CCDC81: variants seen among roughly 807,000 people sequenced by gnomAD.
CCDC81 encodes the protein coiled-coil domain containing 81, also known as coiled-coil domain-containing protein 81.
A neutral mutation model predicts 83.7 loss-of-function variants in CCDC81; 79 were observed. That is an observed-to-expected ratio of 0.94 (90% confidence interval 0.79 to 1.14). CCDC81 has a LOEUF of 1.14. Ranked by LOEUF, CCDC81 falls within the 50% of genes most tolerant of loss-of-function variation. CCDC81 has a pLI of 0.00. For synonymous variants in CCDC81, 252 were observed against 278.1 expected, an observed-to-expected ratio of 0.91 and a Z score of 0.93; for missense variants, 791 against 778.1, an observed-to-expected ratio of 1.02 and a Z score of -0.20.
chr11:86,408,256 C>T lies in CCDC81; in HGVS notation c.1099C>T (p.Leu367Phe). Residue 367 changes from leucine to phenylalanine, a missense_variant, in exon 9 of 15, where the codon CTC (leucine) becomes TTC (phenylalanine). Leu to Phe is a conservative substitution (Grantham distance 22). Coordinates refer to ENST00000445632, the MANE Select transcript of CCDC81 (RefSeq NM_001156474.2). ...QYQMLKDQEA[L>F]FRHQMKSLAT... is the part of the protein sequence containing the mutation. Reference sequence around the variant, plus strand: ...TCAGATGTTAAAGGATCAGGAGGCTCTCTTCAGACACCAGGTAGTCCAACA... The same window carrying T: ...TCAGATGTTAAAGGATCAGGAGGCTTTCTTCAGACACCAGGTAGTCCAACA... 9 of 1,612,666 alleles carry T rather than the reference C, an allele frequency of 5.6e-6. No homozygotes were observed. The highest frequency in any genetic ancestry group is 7.6e-6 in the Non-Finnish European group (9 of 1,179,502).
chr11:86,412,391 C>A lies in CCDC81; in HGVS notation c.1223C>A (p.Ser408Tyr). ...HKNEKPEFYK[S>Y]FLFDKRPLSP... ...ATTGCTTCTCTTTCATTCTAGAAAT[C>A]CTTCCTATTTGACAAACGGCCACTC... Residue 408 changes from serine (S) to tyrosine (Y), a missense_variant, in exon 11 of 15, where the codon TCC becomes TAC. Physicochemically the swap from Ser to Tyr is moderately radical, Grantham distance 144 (BLOSUM62 -2). Transcript: ENST00000445632. 6.3e-7 allele frequency: 1 copy of A among 1,583,710 alleles called. No homozygotes were observed. Among genetic ancestry groups the A allele is most frequent in the South Asian group, 1.2e-5 (1 of 85,314 alleles).
intron 4 of CCDC81, 150 bp from the exon 5 acceptor site, chr11:86,395,184 G>A (rs904352590): frequency 1.8e-6 from 1 of 563,120 alleles, no homozygotes; most frequent in Non-Finnish European, 3.2e-6. Flanking sequence ...ATTCCTCATT[G>A]GATTTTTAAG....
At chr11:86,395,817 T>TTCACCATATAGGCCAGGCTGGTC (rs902345366) in intron 5 of CCDC81, among the ~76,000 whole-genome samples, 2 of 152,072 alleles carry the variant, frequency 1.3e-5, no homozygotes, top group East Asian at 1.9e-4. Flanking sequence ...GAGATGAGGT[T>TTCACCATATAGGCCAGGCTGGTC]TCACCATATA....
At chr11:86,404,161 G>A (rs1338865867) in intron 7 of CCDC81, among the ~76,000 whole-genome samples, 1 of 152,166 alleles carries the variant, frequency 6.6e-6, no homozygotes, top group Non-Finnish European at 1.5e-5. Context: ...GCATCTGACA[G>A]GTTATTTAAA....
intron 13 of CCDC81, 147 bp from the exon 14 acceptor site, chr11:86,419,781 T>A: frequency 1.5e-6 from 1 of 673,178 alleles, no homozygotes; most frequent in South Asian, 4.2e-5. Context: ...TCAGTATGCT[T>A]TTACAGTGTT....
At position 86,392,570 on chromosome 11, in the gene CCDC81, G is replaced by T; in HGVS notation, c.328G>T (p.Val110Phe). Reference sequence around the variant, plus strand: ...AATCCCAATTGTTCCACTTAATTTTGTCATGATATCCCTGGAGGGTCCATT... The same window carrying T: ...AATCCCAATTGTTCCACTTAATTTTTTCATGATATCCCTGGAGGGTCCATT... ...GEIPIVPLNF[V>F]MISLEGPFNR... Residue 110 changes from valine (V) to phenylalanine (F), a missense_variant, in exon 4 of 15, where the codon GTC becomes TTC. Physicochemically the swap from Val to Phe is conservative, Grantham distance 50 (BLOSUM62 -1). Transcript: ENST00000445632. 1 of 1,551,346 alleles carries T rather than the reference G, an allele frequency of 6.4e-7. No individual in the cohort carries two copies. Among genetic ancestry groups the T allele is most frequent in the Non-Finnish European group, 8.7e-7 (1 of 1,146,834 alleles).
intron 11 of CCDC81, among the ~76,000 whole-genome samples, chr11:86,413,761 G>T (rs1226231239): frequency 3.9e-5 from 6 of 152,124 alleles, no homozygotes; most frequent in Admixed American, 3.9e-4. Context: ...TTATAATTAT[G>T]TAGGGGTGTC....
intron 14 of CCDC81, 21 bp downstream of exon 14, chr11:86,420,074 C>T (rs1350850148): frequency 6.2e-7 from 1 of 1,605,636 alleles, no homozygotes; most frequent in South Asian, 1.1e-5. Context: ...ATTGGAACCC[C>T]AAAATTCTCC....
At chr11:86,379,106 T>C (rs1288586424) in intron 1 of CCDC81, among the ~76,000 whole-genome samples, 1 of 152,016 alleles carries the variant, frequency 6.6e-6, no homozygotes, top group Non-Finnish European at 1.5e-5. Context: ...GTTATACTTT[T>C]TTTTTTTTGA....
Position 86,380,044 on chromosome 11 carries a change from T to C in CCDC81, c.79+4802T>C, listed in dbSNP as rs1320865579. 4.8e-3 allele frequency among the ~76,000 whole-genome samples: 201 copies of C among 41,474 alleles called. No individual in the cohort carries two copies. In the African/African-American group the frequency reaches 0.062, roughly 13 times the overall value. The allele number at this position is 41,474 out of a possible 152,430, so 27.2% of individuals were successfully genotyped here. A position where few individuals can be genotyped will look rare whatever the true frequency, so the allele number is the denominator to read the frequency against. On this transcript the variant is annotated intron_variant, in intron 1 of 14. Transcript: ENST00000445632. ...TATTCCTTCTTCGATGGTCTTCCCT[T>C]TTTTTTTTTTTTTAAATGCAGATCC...
In CCDC81 at chr11:86,412,502, A is replaced by G. The variant is rs1473327643; in HGVS notation, c.1334A>G (p.Lys445Arg). The change falls in exon 11 of 15, where the codon AAG becomes AGG. Residue 445 changes from lysine to arginine, a missense_variant. Coordinates refer to ENST00000445632, the MANE Select transcript of CCDC81 (RefSeq NM_001156474.2). Reference sequence around the variant, plus strand: ...GATAACAGACAGGAAAACGAAATAAAGCAAAGACAATACAGAGAGTTGATG... The same window carrying G: ...GATAACAGACAGGAAAACGAAATAAGGCAAAGACAATACAGAGAGTTGATG... ...QMDNRQENEI[K>R]QRQYRELMDR... is the part of the protein sequence containing the mutation. 1 of 1,614,132 alleles carries G rather than the reference A, an allele frequency of 6.2e-7. No homozygotes were observed. The highest frequency in any genetic ancestry group is 1.1e-5 in the South Asian group (1 of 91,054).
At position 86,375,208 on chromosome 11, in the gene CCDC81, G is replaced by C; in HGVS notation, c.45G>C (p.Gln15His). The C allele has an allele frequency of 6.2e-7, 1 of 1,612,774 alleles. No individual in the cohort carries two copies. Among genetic ancestry groups the C allele is most frequent in the Non-Finnish European group, 8.5e-7 (1 of 1,179,866 alleles). The change falls in exon 1 of 15, where the codon CAG (glutamine) becomes CAC (histidine). Residue 15 changes from glutamine to histidine, a missense_variant. Coordinates refer to ENST00000445632, the MANE Select transcript of CCDC81 (RefSeq NM_001156474.2). ...GTGCCCTGCAGGACCTGGGCAGGCA[G>C]GTGCTGCCCACTCTGCCCTCGCTGA... is the stretch of plus-strand genomic sequence containing the variant. Reference protein sequence around the residue: ...IARALQDLGRQVLPTLPSLSQ... With the variant: ...IARALQDLGRHVLPTLPSLSQ...
intron 3 of CCDC81, among the ~76,000 whole-genome samples, chr11:86,389,758 G>GT (rs1434591309): frequency 2.6e-5 from 4 of 152,180 alleles, no homozygotes; most frequent in Non-Finnish European, 5.9e-5. Flanking sequence ...TTTTATAGTG[G>GT]TTTTTAAATA....
Position 86,400,705 on chromosome 11 carries a change from A to G in CCDC81, c.785A>G (p.Asp262Gly). ...ATCTCATCACCCAAAAGACTTCGAG[A>G]TAGACAAGCTTTGTTCCCTGCCAAA... is the stretch of plus-strand genomic sequence containing the variant. ...RDISSPKRLRDRQALFPAKVT... is the reference protein window; with the variant it reads ...RDISSPKRLRGRQALFPAKVT... The change falls in exon 7 of 15, where the codon GAT becomes GGT. Residue 262 changes from aspartate (D) to glycine (G), a missense_variant. Coordinates refer to ENST00000445632, the MANE Select transcript of CCDC81 (RefSeq NM_001156474.2). 4 of 1,612,240 alleles carry G rather than the reference A, an allele frequency of 2.5e-6. No homozygotes were observed. The highest frequency in any genetic ancestry group is 2.5e-6 in the Non-Finnish European group (3 of 1,178,534).
At position 86,413,506 on chromosome 11, in the gene CCDC81, C is replaced by T. The variant is rs77644445; in HGVS notation, c.1391+947C>T. Among the ~76,000 whole-genome samples, 17 of 152,172 alleles carry T rather than the reference C, an allele frequency of 1.1e-4. No homozygotes were observed. The East Asian group carries it at 2.3e-3, about 21-fold the overall frequency. On this transcript the variant is annotated intron_variant, in intron 11 of 14. Transcript: ENST00000445632. ...ACTTCCATATCGTTTAAAGGGACCA[C>T]GCTCTTCCCTTCCCAGCACTTCCCT...
At chr11:86,391,868 G>A (rs61906691) in intron 3 of CCDC81, among the ~76,000 whole-genome samples, 25,525 of 152,128 alleles carry the variant, frequency 0.17, 2,782 homozygotes, top group Non-Finnish European at 0.22. Flanking sequence ...TGGCTGGGGA[G>A]GCCTCAGGAA....
intron 7 of CCDC81, among the ~76,000 whole-genome samples, chr11:86,406,386 G>A (rs1440432519): frequency 6.6e-6 from 1 of 152,032 alleles, no homozygotes; most frequent in East Asian, 1.9e-4. Context: ...TGATTTTCTG[G>A]AAAATTCTTA....
At chr11:86,390,742 TG>T (rs1232418145) in intron 3 of CCDC81, among the ~76,000 whole-genome samples, 1 of 152,076 alleles carries the variant, frequency 6.6e-6, no homozygotes, top group Non-Finnish European at 1.5e-5. Context: ...ATTTCTTGGT[TG>T]GAGAACAGAT....
chr11:86,416,096 G>T (rs1290457310), intron 13 of CCDC81, among the ~76,000 whole-genome samples: 1 of 152,132 alleles, frequency 6.6e-6, no homozygotes, highest in Non-Finnish European at 1.5e-5. Flanking sequence ...TGCCATCCGT[G>T]TATCTTCTTT....
Sources: gnomAD v4.1 joint callset for allele counts (sites outside exome capture counted in the v4.1 genomes callset) on GRCh38, gnomAD v4.1.1 for gene constraint, MANE v1.5 for transcripts, NCBI Gene and HGNC (gene_info 2026-07-23, HGNC 2026-07-21) for gene names.